The following MYO5A variants were observed in gnomAD, a reference collection of about 807,000 sequenced individuals.
MYO5A encodes the protein unconventional myosin-Va.
In MYO5A, 98 loss-of-function variants were observed where a neutral mutation model predicts 249.7. The ratio of observed to expected loss-of-function variants is 0.39; its 90% confidence interval spans 0.33 to 0.46. MYO5A has a LOEUF of 0.46. Ranked by LOEUF, MYO5A falls within the 20% of genes least tolerant of loss-of-function variation. MYO5A has a pLI of 0.98. For missense variants in MYO5A, 1,696 were observed against 2,308.8 expected (o/e 0.73, Z 5.44); for synonymous variants, 778 against 810.6 (o/e 0.96, Z 0.68).
At position 52,441,125 on chromosome 15, in the gene MYO5A, T is replaced by G. The variant is rs1344792013; in HGVS notation, c.28-7840A>C. 7.9e-5 allele frequency among the ~76,000 whole-genome samples: 12 copies of G among 152,202 alleles called. 1 individual carries two copies. The highest frequency in any genetic ancestry group is 7.2e-4 in the Admixed American group (11 of 15,278). ...ACACATGATTACTAAGTAATTCATATAGTCTTTAGAGCATGTTTTTGGTAT... is the reference window on the plus strand; with the variant it reads ...ACACATGATTACTAAGTAATTCATAGAGTCTTTAGAGCATGTTTTTGGTAT... On this transcript the variant is annotated intron_variant, in intron 1 of 41. Transcript: ENST00000399233.
At chr15:52,503,492 G>A (rs993630939) in intron 1 of MYO5A, among the ~76,000 whole-genome samples, 2 of 152,090 alleles carry the variant, frequency 1.3e-5, no homozygotes, top group African/African-American at 4.8e-5. Flanking sequence ...AAATTTGCCA[G>A]GCATGGTGGC....
intron 1 of MYO5A, among the ~76,000 whole-genome samples, chr15:52,436,049 C>G (rs1250739331): frequency 6.6e-6 from 1 of 152,192 alleles, no homozygotes; most frequent in African/African-American, 2.4e-5. Context: ...TCCCAAGTAG[C>G]TGGGATTACA....
intron 1 of MYO5A, among the ~76,000 whole-genome samples, chr15:52,509,254 T>G (rs1693500): frequency 0.95 from 144,732 of 152,246 alleles, 68,862 homozygotes; most frequent in African/African-American, 0.97. Flanking sequence ...TTACAGGCAT[T>G]AGACCTAGCA....
At chr15:52,386,164 A>C (rs7183258) in intron 14 of MYO5A, among the ~76,000 whole-genome samples, 147,136 of 151,982 alleles carry the variant, frequency 0.97, 71,397 homozygotes, top group East Asian at 1. Flanking sequence ...AAAAAATTAG[A>C]CAGGCATGGT....
chr15:52,437,493 G>T (rs965772080), intron 1 of MYO5A, among the ~76,000 whole-genome samples: 26 of 151,510 alleles, frequency 1.7e-4, no homozygotes, highest in African/African-American at 6.3e-4. Flanking sequence ...TACTCAGGAG[G>T]CTGAGGTGGG....
intron 35 of MYO5A, 110 bp from the exon 36 acceptor site, chr15:52,328,116 A>G: frequency 1.1e-6 from 1 of 876,318 alleles, no homozygotes; most frequent in South Asian, 1.5e-5. Context: ...ATTCAAGGTA[A>G]GTAGGTAATA....
At chr15:52,528,892 G>C, upstream of MYO5A, 1 of 1,264,512 alleles carries the variant, frequency 7.9e-7, no homozygotes, top group Non-Finnish European at 1.0e-6. Context: ...GGAAGCGCCC[G>C]CAGCCGCCGG....
At chr15:52,372,964 T>C (rs1596362262) in intron 20 of MYO5A, among the ~76,000 whole-genome samples, 2 of 152,212 alleles carry the variant, frequency 1.3e-5, no homozygotes, top group African/African-American at 4.8e-5. Context: ...TGATTTTTTT[T>C]TTTTTTAGAA....
At chr15:52,331,036 G>A (rs1343963672) in intron 34 of MYO5A, among the ~76,000 whole-genome samples, 1 of 152,154 alleles carries the variant, frequency 6.6e-6, no homozygotes, top group Non-Finnish European at 1.5e-5. Context: ...ATAGCTGGTA[G>A]AAGAGTGTTT....
intron 14 of MYO5A, among the ~76,000 whole-genome samples, chr15:52,384,651 G>A (rs2041901666): frequency 1.3e-5 from 2 of 152,134 alleles, no homozygotes; most frequent in South Asian, 2.1e-4. Flanking sequence ...ATTATTTTAC[G>A]AGAAAAACAG....
At chr15:52,458,737 C>T (rs956091365) in intron 1 of MYO5A, among the ~76,000 whole-genome samples, 10 of 148,764 alleles carry the variant, frequency 6.7e-5, no homozygotes, top group Non-Finnish European at 1.5e-4. Context: ...AGGTACCTCA[C>T]AAATACATAC....
chr15:52,474,645 A>C (rs2076551369), intron 1 of MYO5A, among the ~76,000 whole-genome samples: 1 of 152,162 alleles, frequency 6.6e-6, no homozygotes, highest in South Asian at 2.1e-4. Context: ...TATTGAGATA[A>C]TCATGTGGTT....
At position 52,370,409 on chromosome 15, in the gene MYO5A, G is replaced by C. The variant is rs766333476; in HGVS notation, c.2826C>G (p.Asp942Glu). 2.5e-6 allele frequency: 4 copies of C among 1,611,122 alleles called. No homozygotes were observed. In the East Asian group the frequency reaches 8.9e-5, roughly 36 times the overall value. ...LQRKVDEQNKDYKCLVEKLTN... is the reference protein window; with the variant it reads ...LQRKVDEQNKEYKCLVEKLTN... ...TTAGTTTCTCCACAAGGCATTTGTA[G>C]TCTTTGTTCTTTAAACATACACATA... is the stretch of plus-strand genomic sequence containing the variant. Residue 942 changes from aspartate to glutamate, a missense_variant, in exon 22 of 42, where the codon GAC (aspartate) becomes GAG (glutamate). Physicochemically the swap from Asp to Glu is conservative, Grantham distance 45. This residue lies in a region of MYO5A where 412 missense variants were observed against 453.3 expected (regional missense o/e 0.91). Coordinates refer to ENST00000399233, the MANE Select transcript of MYO5A (RefSeq NM_001382347.1).
At chr15:52,505,177 A>G in intron 1 of MYO5A, 1 of 755,732 alleles carries the variant, frequency 1.3e-6, no homozygotes, top group Non-Finnish European at 2.5e-6. Flanking sequence ...ACTCTCAGAT[A>G]CAGCCAAAGC....
At chr15:52,386,507 G>A (rs566750751) in intron 14 of MYO5A, among the ~76,000 whole-genome samples, 12 of 151,972 alleles carry the variant, frequency 7.9e-5, no homozygotes, top group African/African-American at 2.9e-4. Flanking sequence ...TATCAATCCT[G>A]TAAACTATAA....
At chr15:52,384,407 C>A in intron 14 of MYO5A, 85 bp from the exon 15 acceptor site, 1 of 1,347,584 alleles carries the variant, frequency 7.4e-7, no homozygotes, top group Non-Finnish European at 1.1e-6. Context: ...CAGAGATTCC[C>A]TTCCTTAAGT....
chr15:52,497,428 A>G (rs540115359), intron 1 of MYO5A, among the ~76,000 whole-genome samples: 5 of 149,842 alleles, frequency 3.3e-5, no homozygotes, highest in African/African-American at 1.2e-4. Flanking sequence ...TAAATAGATA[A>G]ATAAATAAAT....
chr15:52,407,244 A>G, intron 8 of MYO5A, 48 bp downstream of exon 8: 1 of 1,352,772 alleles, frequency 7.4e-7, no homozygotes. Context: ...AGGTTGCTTG[A>G]GTAAAAAAGC....
intron 1 of MYO5A, among the ~76,000 whole-genome samples, chr15:52,484,560 T>C (rs745361136): frequency 3.9e-5 from 6 of 152,204 alleles, no homozygotes; most frequent in Non-Finnish European, 1.5e-5. Flanking sequence ...GCCATATATG[T>C]TCCTGAATTA....
Sources: allele counts gnomAD v4.1 joint callset (sites outside exome capture counted in the v4.1 genomes callset), GRCh38; gene constraint gnomAD v4.1.1; regional missense constraint gnomAD v4.1.1; transcripts MANE v1.5; gene names NCBI Gene and HGNC (gene_info 2026-07-23, HGNC 2026-07-21).